Variants in ACOX3 observed in about 807,000 individuals in gnomAD.
The protein encoded by ACOX3 is peroxisomal acyl-coenzyme A oxidase 3.
A neutral mutation model predicts 81.5 loss-of-function variants in ACOX3; 73 were observed. The observed-to-expected ratio is 0.90, with a 90% confidence interval of 0.74 to 1.09. ACOX3 has a LOEUF of 1.09. Ranked by LOEUF, ACOX3 falls within the 50% of genes least tolerant of loss-of-function variation. The pLI is 0.00. For synonymous variants in ACOX3, 387 were observed against 375.1 expected (o/e 1.03, Z -0.37); for missense variants, 947 against 928.0 (o/e 1.02, Z -0.27).
At chr4:8,429,972 A>T (rs1289416363) in intron 1 of ACOX3, among the ~76,000 whole-genome samples, 2 of 152,126 alleles carry the variant, frequency 1.3e-5, no homozygotes, top group African/African-American at 4.8e-5. Context: ...ATTTATAGGG[A>T]ACTAAAAGAT....
chr4:8,425,800 T>A (rs1723413836), intron 1 of ACOX3, among the ~76,000 whole-genome samples: 1 of 151,996 alleles, frequency 6.6e-6, no homozygotes, highest in African/African-American at 2.4e-5. Flanking sequence ...AATTCCCAGA[T>A]TCGGACTTCC....
intron 17 of ACOX3, among the ~76,000 whole-genome samples, chr4:8,367,782 C>A (rs1182676346): frequency 3.7e-5 from 4 of 107,746 alleles, no homozygotes; most frequent in Non-Finnish European, 6.8e-5. Flanking sequence ...CCAGCCTGGG[C>A]AACACGGCGA....
At chr4:8,422,134 A>G (rs1332977573) in intron 1 of ACOX3, among the ~76,000 whole-genome samples, 1 of 152,178 alleles carries the variant, frequency 6.6e-6, no homozygotes, top group Admixed American at 6.5e-5. Flanking sequence ...ATGAGAGGGA[A>G]AGAGAAACAG....
rs954813466 is a variant in ACOX3, at chr4:8,419,679, C to T, written c.-14-3144G>A. 1.3e-5 allele frequency among the ~76,000 whole-genome samples: 2 copies of T among 152,144 alleles called. No individual in the cohort carries two copies. Among genetic ancestry groups the T allele is most frequent in the East Asian group, 1.9e-4 (1 of 5,178 alleles). ...CGTCCTCAATGTGTGCAAGGCTCCC[C>T]GATTCACACCTCCAGACTCGTGAGC... On this transcript the variant is annotated intron_variant, in intron 1 of 17. Transcript: ENST00000356406. The surrounding 1 kb of genome is among the most constrained non-coding windows in gnomAD (Gnocchi z 4.2).
At chr4:8,410,710 T>C (rs1299788053) in intron 5 of ACOX3, among the ~76,000 whole-genome samples, 1 of 152,180 alleles carries the variant, frequency 6.6e-6, no homozygotes, top group Non-Finnish European at 1.5e-5. Flanking sequence ...GGCGGGGCTG[T>C]CTGTGCCCTG....
chr4:8,416,116 C>A lies in ACOX3; in HGVS notation c.145-117G>T. 1 of 1,093,944 alleles carries A rather than the reference C, an allele frequency of 9.1e-7. No individual in the cohort carries two copies. The allele number at this position is 1,093,944 out of a possible 1,614,324, so 67.8% of individuals were successfully genotyped here. A position where few individuals can be genotyped will look rare whatever the true frequency, so the allele number is the denominator to read the frequency against. On this transcript the variant is annotated intron_variant, in intron 2 of 17. Coordinates refer to ENST00000356406, the MANE Select transcript of ACOX3 (RefSeq NM_003501.3). The surrounding 1 kb of genome is among the most constrained non-coding windows in gnomAD (Gnocchi z 4.2). Reference sequence around the variant, plus strand: ...CATGGGACACAGTCTGACCCGGAGACACCCAGACAGAGATATGACTATCAT... The same window carrying A: ...CATGGGACACAGTCTGACCCGGAGAAACCCAGACAGAGATATGACTATCAT...
rs1015542400 is a variant in ACOX3 at position 8,385,969 on chromosome 4, C to T, written c.1537+3204G>A. 6.6e-6 allele frequency among the ~76,000 whole-genome samples: 1 copy of T among 152,184 alleles called. No homozygotes were observed. The highest frequency in any genetic ancestry group is 2.4e-5 in the African/African-American group (1 of 41,434). ...TGAAAGCCATTTGCCTTTGTTACTC[C>T]GGAAAACGTTTTCACTTTGTTGCAT... On this transcript the variant is annotated intron_variant, in intron 13 of 17. Coordinates refer to ENST00000356406, the MANE Select transcript of ACOX3 (RefSeq NM_003501.3). This position sits in a 1 kb window ranked among gnomAD's most constrained non-coding sequence, Gnocchi z 5.5.
chr4:8,357,837 T>G, the ACOX3 span: 1 of 159,626 alleles, frequency 6.3e-6, no homozygotes, highest in Non-Finnish European at 1.4e-5. Context: ...GCCCATCAAA[T>G]CCTGCTGTAA....
At position 8,389,859 on chromosome 4, in the gene ACOX3, C is replaced by G. The variant is rs890929860; in HGVS notation, c.1301-125G>C. ...GTGGCTCACACCTGTAATGGCAGCACTTTGGGGGGCCGAGGCGGGTGGATC... is the reference window on the plus strand; with the variant it reads ...GTGGCTCACACCTGTAATGGCAGCAGTTTGGGGGGCCGAGGCGGGTGGATC... On this transcript the variant is annotated intron_variant, in intron 11 of 17. Transcript: ENST00000356406. This position sits in a 1 kb window ranked among gnomAD's most constrained non-coding sequence, Gnocchi z 5.3. 9.2e-6 allele frequency: 12 copies of G among 1,299,382 alleles called. No homozygotes were observed. Among genetic ancestry groups the G allele is most frequent in the Admixed American group, 4.0e-5 (2 of 50,554 alleles). The allele number at this position is 1,299,382 out of a possible 1,614,324, so 80.5% of individuals were successfully genotyped here. A position where few individuals can be genotyped will look rare whatever the true frequency, so the allele number is the denominator to read the frequency against.
intron 9 of ACOX3, among the ~76,000 whole-genome samples, chr4:8,395,350 G>A (rs9884885): frequency 1.4e-5 from 2 of 147,020 alleles, no homozygotes; most frequent in African/African-American, 5.2e-5. Flanking sequence ...GTAGATGGAT[G>A]GGTGGGTGGA....
In ACOX3 at chr4:8,386,268, CT is replaced by C. The variant is rs748980782; in HGVS notation, c.1537+2904del. ...TCTTTCTGTGGCAACATTTGGGAAGCTTAGAAAGTGACTTGCGGCCGGGCGT... is the reference window on the plus strand; with the variant it reads ...TCTTTCTGTGGCAACATTTGGGAAGCTAGAAAGTGACTTGCGGCCGGGCGT... On this transcript the variant is annotated intron_variant, in intron 13 of 17. Transcript: ENST00000356406. This position sits in a 1 kb window ranked among gnomAD's most constrained non-coding sequence, Gnocchi z 5.2. Among the ~76,000 whole-genome samples, 2 of 152,136 alleles carry C rather than the reference CT, an allele frequency of 1.3e-5. No homozygotes were observed. The highest frequency in any genetic ancestry group is 2.9e-5 in the Non-Finnish European group (2 of 68,022).
chr4:8,429,620 G>A (rs1723830744), intron 1 of ACOX3, among the ~76,000 whole-genome samples: 1 of 152,216 alleles, frequency 6.6e-6, no homozygotes, highest in Admixed American at 6.5e-5. Context: ...AGCGAAGATG[G>A]AGTCTGTCTG....
At chr4:8,387,592 G>C (rs1353103601) in intron 13 of ACOX3, among the ~76,000 whole-genome samples, 1 of 152,262 alleles carries the variant, frequency 6.6e-6, no homozygotes, top group Non-Finnish European at 1.5e-5. Flanking sequence ...GCTGTTCTCT[G>C]TGATACGCGG....
At chr4:8,390,105 C>CAAAAAAAAAAAAAAAAAAAAAAA in intron 11 of ACOX3, among the ~76,000 whole-genome samples, 1 of 129,740 alleles carries the variant, frequency 7.7e-6, no homozygotes, top group African/African-American at 3.3e-5. Flanking sequence ...CCTGTCTCAA[C>CAAAAAAAAAAAAAAAAAAAAAAA]AACAACAACA....
chr4:8,413,192 C>A (rs1415347548), intron 5 of ACOX3, among the ~76,000 whole-genome samples: 1 of 144,092 alleles, frequency 6.9e-6, no homozygotes, highest in East Asian at 2.1e-4. Flanking sequence ...CCCTCCACCC[C>A]TGCACCCCTC....
At chr4:8,433,516 A>T (rs1180282148) in intron 1 of ACOX3, among the ~76,000 whole-genome samples, 1 of 152,244 alleles carries the variant, frequency 6.6e-6, no homozygotes, top group Non-Finnish European at 1.5e-5. Flanking sequence ...AACTTACGGT[A>T]ATTTGTTATG....
chr4:8,370,645 G>T lies in ACOX3; in HGVS notation c.1983+263C>A, dbSNP rs2108785101. Among the ~76,000 whole-genome samples the T allele has an allele frequency of 6.6e-6, 1 of 152,160 alleles. No homozygotes were observed. Among genetic ancestry groups the T allele is most frequent in the Non-Finnish European group, 1.5e-5 (1 of 67,972 alleles). Reference sequence around the variant, plus strand: ...GTGTGTGGACCTCCAACCTCTGCCTGTGCAGGCGGGCAGTGCCACCACCCC... The same window carrying T: ...GTGTGTGGACCTCCAACCTCTGCCTTTGCAGGCGGGCAGTGCCACCACCCC... On this transcript the variant is annotated intron_variant, in intron 17 of 17. Transcript: ENST00000356406. This position sits in a 1 kb window ranked among gnomAD's most constrained non-coding sequence, Gnocchi z 6.3.
rs1320496241 is a variant in ACOX3, at chr4:8,414,439, A to G, written c.454-58T>C. On this transcript the variant is annotated intron_variant, in intron 4 of 17. Coordinates refer to ENST00000356406, the MANE Select transcript of ACOX3 (RefSeq NM_003501.3). The surrounding 1 kb of genome is among the most constrained non-coding windows in gnomAD (Gnocchi z 6.1). Reference sequence around the variant, plus strand: ...AGAAAAGTTCTTTGTGCACATTCCCAGAAGGACCTCACTGCCATCTTTCCT... The same window carrying G: ...AGAAAAGTTCTTTGTGCACATTCCCGGAAGGACCTCACTGCCATCTTTCCT... 4 of 1,453,968 alleles carry G rather than the reference A, an allele frequency of 2.8e-6. No individual in the cohort carries two copies. Among genetic ancestry groups the G allele is most frequent in the African/African-American group, 1.4e-5 (1 of 71,660 alleles). The allele number at this position is 1,453,968 out of a possible 1,614,324, so 90.1% of individuals were successfully genotyped here.
Position 8,399,869 on chromosome 4 carries a change from G to GC in ACOX3, c.777-218dup. 6.6e-6 allele frequency among the ~76,000 whole-genome samples: 1 copy of GC among 152,202 alleles called. No homozygotes were observed. The highest frequency in any genetic ancestry group is 1.5e-5 in the Non-Finnish European group (1 of 68,030). ...AATCCCAACTCTTTGGAAGACTGAG[G>GC]CAGGAGGATTGCTTGAGCCCAGGAG... On this transcript the variant is annotated intron_variant, in intron 7 of 17. Transcript: ENST00000356406. The surrounding 1 kb of genome is among the most constrained non-coding windows in gnomAD (Gnocchi z 4.9).
Sources: allele counts gnomAD v4.1 joint callset (sites outside exome capture counted in the v4.1 genomes callset), GRCh38; gene constraint gnomAD v4.1.1; non-coding constraint Gnocchi (gnomAD v3.1); transcripts MANE v1.5; gene names NCBI Gene and HGNC (gene_info 2026-07-23, HGNC 2026-07-21).